Variants in CCDC9 observed in about 807,000 individuals in gnomAD.
The protein encoded by CCDC9 is coiled-coil domain containing 9, also known as coiled-coil domain-containing protein 9.
CCDC9 carries 52 observed loss-of-function variants against 65.6 expected under a neutral mutation model. That is an observed-to-expected ratio of 0.79 (90% CI 0.63 to 1.00). CCDC9 has a LOEUF of 1.00. Ranked by LOEUF, CCDC9 falls within the 50% of genes least tolerant of loss-of-function variation. The probability of loss-of-function intolerance (pLI) is 0.00; values close to 1 mark genes in which losing one functional copy is unlikely to be tolerated. For missense variants in CCDC9, 834 were observed against 757.2 expected (o/e 1.10, Z -1.19); for synonymous variants, 332 against 280.3 (o/e 1.18, Z -1.84).
chr19:47,260,513 C>T lies in CCDC9; in HGVS notation c.211-75C>T, dbSNP rs572203562. On this transcript the variant is annotated intron_variant, in intron 4 of 11. Coordinates refer to ENST00000221922, the MANE Select transcript of CCDC9 (RefSeq NM_015603.3). ...CCAGGAGCCCCCAGCTGTCCTGCAC[C>T]AGTGGGTGGCCTCCATCCTGGCCGC... The T allele has an allele frequency of 1.3e-5, 20 of 1,589,988 alleles. No individual in the cohort carries two copies. In the African/African-American group the frequency reaches 2.0e-4, roughly 16 times the overall value.
intron 5 of CCDC9, among the ~76,000 whole-genome samples, chr19:47,264,383 A>T (rs1409029675): frequency 6.6e-6 from 1 of 152,194 alleles, no homozygotes; most frequent in African/African-American, 2.4e-5. Context: ...CCCCAGTAGG[A>T]AGGCGAATGC....
In CCDC9 at chr19:47,271,352, T is replaced by C. The variant is rs545123350; in HGVS notation, c.1270T>C (p.Trp424Arg). 6.2e-7 allele frequency: 1 copy of C among 1,612,824 alleles called. No homozygotes were observed. The highest frequency in any genetic ancestry group is 8.5e-7 in the Non-Finnish European group (1 of 1,179,546). Residue 424 changes from tryptophan (W) to arginine (R), a missense_variant, in exon 12 of 12, where the codon TGG becomes CGG. Physicochemically the swap from Trp to Arg is moderately radical, Grantham distance 101. Coordinates refer to ENST00000221922, the MANE Select transcript of CCDC9 (RefSeq NM_015603.3). ...GAATGAGGGGGAAGAGGATGAAGAA[T>C]GGGAGGACATAAGTGAGGATGAGGA... is the stretch of plus-strand genomic sequence containing the variant. ...EENEGEEDEE[W>R]EDISEDEEEE...
chr19:47,275,310 G>C, downstream of CCDC9: 2 of 1,546,474 alleles, frequency 1.3e-6, no homozygotes, highest in Non-Finnish European at 1.7e-6. Flanking sequence ...GACACCCAGA[G>C]AGACGCCAGA....
chr19:47,273,077 G>T (rs1461915956), downstream of CCDC9, among the ~76,000 whole-genome samples: 1 of 151,710 alleles, frequency 6.6e-6, no homozygotes, highest in Non-Finnish European at 1.5e-5. Context: ...TGGGTGGCGC[G>T]GGGGCCCAGA....
At position 47,260,726 on chromosome 19, in the gene CCDC9, G is replaced by C. The variant is rs764561669; in HGVS notation, c.349G>C (p.Gly117Arg). The C allele has an allele frequency of 2.5e-6, 4 of 1,594,928 alleles. No homozygotes were observed. The highest frequency in any genetic ancestry group is 3.4e-6 in the Non-Finnish European group (4 of 1,172,438). ...RASRSWEGSP[G>R]EQPRGGGAGG... Reference sequence around the variant, plus strand: ...ATCGCGCAGCTGGGAGGGCAGCCCCGGGGAGCAGCCTCGAGGAGGAGGAGC... The same window carrying C: ...ATCGCGCAGCTGGGAGGGCAGCCCCCGGGAGCAGCCTCGAGGAGGAGGAGC... The change falls in exon 5 of 12, where the codon GGG becomes CGG. Residue 117 changes from glycine (G) to arginine (R), a missense_variant. Gly to Arg is a moderately radical substitution (Grantham distance 125). Coordinates refer to ENST00000221922, the MANE Select transcript of CCDC9 (RefSeq NM_015603.3).
At chr19:47,273,834 C>T (rs2059139536), downstream of CCDC9, 5 of 322,404 alleles carry the variant, frequency 1.6e-5, no homozygotes, top group South Asian at 1.3e-4. Context: ...TGCTTCCGCT[C>T]ACCCTTGAAC....
At chr19:47,275,436 C>T (rs1046963480), downstream of CCDC9, 28 of 1,441,524 alleles carry the variant, frequency 1.9e-5, no homozygotes, top group East Asian at 2.9e-5. Flanking sequence ...TTGGTCCGGC[C>T]TTCTTCCTAA....
At chr19:47,260,095 G>A (rs2059034929) in intron 3 of CCDC9, among the ~76,000 whole-genome samples, 2 of 152,156 alleles carry the variant, frequency 1.3e-5, no homozygotes. Context: ...CAGACCCCAC[G>A]GGTCCCACAG....
chr19:47,258,720 T>TC, intron 3 of CCDC9, 57 bp downstream of exon 3: 1 of 1,298,296 alleles, frequency 7.7e-7, no homozygotes, highest in Admixed American at 1.7e-5. Flanking sequence ...AGTGAGTTTT[T>TC]CTCACCTCTC....
downstream of CCDC9, chr19:47,274,027 G>C (rs1171642105): frequency 1.1e-5 from 11 of 964,918 alleles, no homozygotes; most frequent in Non-Finnish European, 1.4e-5. Context: ...CCTTGATGGG[G>C]AGGGGGCGTG....
chr19:47,274,912 C>CTGCGGGGA, downstream of CCDC9: 1 of 1,304,404 alleles, frequency 7.7e-7, no homozygotes, highest in African/African-American at 1.6e-5. Context: ...GCCGAGTGGG[C>CTGCGGGGA]TGCGGGGATG....
chr19:47,260,483 G>A (rs887615766), intron 4 of CCDC9, 61 bp downstream of exon 4: 2 of 1,606,916 alleles, frequency 1.2e-6, no homozygotes, highest in South Asian at 2.2e-5. Context: ...GTTGAGGCCT[G>A]GGACCCAGGA....
chr19:47,273,008 G>A (rs973149417), downstream of CCDC9, among the ~76,000 whole-genome samples: 1 of 150,652 alleles, frequency 6.6e-6, no homozygotes, highest in South Asian at 2.1e-4. Flanking sequence ...GACTGGCTTG[G>A]TGGAGGTTGA....
chr19:47,262,947 G>A (rs565252242), intron 5 of CCDC9, among the ~76,000 whole-genome samples: 2 of 151,946 alleles, frequency 1.3e-5, no homozygotes, highest in African/African-American at 2.4e-5. Flanking sequence ...TTAACTGGAC[G>A]TGGTGGTGTG....
intron 5 of CCDC9, among the ~76,000 whole-genome samples, chr19:47,261,661 G>A (rs575062406): frequency 8.5e-5 from 12 of 141,050 alleles, no homozygotes; most frequent in South Asian, 4.6e-4. Flanking sequence ...ACAGTGAGCC[G>A]AGATCATGCC....
intron 5 of CCDC9, among the ~76,000 whole-genome samples, chr19:47,261,791 T>A (rs1490355606): frequency 7.1e-6 from 1 of 141,320 alleles, no homozygotes; most frequent in African/African-American, 2.7e-5. Flanking sequence ...GAGGCTGAGG[T>A]GGGCGGATCA....
intron 7 of CCDC9, among the ~76,000 whole-genome samples, chr19:47,265,414 C>T (rs1363821048): frequency 2.0e-5 from 3 of 152,184 alleles, no homozygotes; most frequent in South Asian, 4.1e-4. Flanking sequence ...TAAATCTCCC[C>T]TCATTGTTAA....
At chr19:47,261,257 T>G (rs1368641822) in intron 5 of CCDC9, among the ~76,000 whole-genome samples, 1 of 152,114 alleles carries the variant, frequency 6.6e-6, no homozygotes, top group Non-Finnish European at 1.5e-5. Flanking sequence ...TCTGGCACTG[T>G]GTGTCTGTCT....
chr19:47,270,354 C>G, intron 8 of CCDC9, 53 bp from the exon 9 acceptor site: 1 of 1,577,190 alleles, frequency 6.3e-7, no homozygotes, highest in African/African-American at 1.3e-5. Context: ...CTTCTTGATC[C>G]TCTTGTTACC....
Sources: allele counts gnomAD v4.1 joint callset (sites outside exome capture counted in the v4.1 genomes callset), GRCh38; gene constraint gnomAD v4.1.1; transcripts MANE v1.5; gene names NCBI Gene and HGNC (gene_info 2026-07-23, HGNC 2026-07-21).